Variants in TMEM67 observed in about 807,000 individuals in gnomAD.
TMEM67 encodes the protein transmembrane protein 67, also known as meckelin.
Under a neutral mutation model 136.6 loss-of-function variants are expected in TMEM67, and 124 were observed. The observed-to-expected ratio is 0.91, with a 90% CI of 0.78 to 1.05. The LOEUF (loss-of-function observed/expected upper bound fraction) is 1.05. Ranked by LOEUF, TMEM67 falls within the 50% of genes least tolerant of loss-of-function variation. The pLI is 0.00. For missense variants in TMEM67, 1,107 were observed against 1,178.4 expected (o/e 0.94, Z 0.89); for synonymous variants, 364 against 390.5 (o/e 0.93, Z 0.80).
rs386834205 is a variant in TMEM67 at position 93,772,612 on chromosome 8, G to A, written c.675G>A (p.Trp225Ter). Residue 225 changes from tryptophan (W) to a stop codon, truncating the protein, a stop_gained, in exon 7 of 28, where the codon TGG becomes TGA. Transcript: ENST00000453321. LOFTEE classifies it high-confidence loss of function. ...AGGGCATGTCTTTAACTTCAGAATGGTTTGCAAAGTATTTGCAATCATCAG... is the reference window on the plus strand; with the variant it reads ...AGGGCATGTCTTTAACTTCAGAATGATTTGCAAAGTATTTGCAATCATCAG... ...GEVGMSLTSE[W>*]FAKYLQSSAA... 3 of 1,612,624 alleles carry A rather than the reference G, an allele frequency of 1.9e-6. No homozygotes were observed. Among genetic ancestry groups the A allele is most frequent in the Non-Finnish European group, 2.5e-6 (3 of 1,179,390 alleles).
intron 12 of TMEM67, 137 bp from the exon 13 acceptor site, chr8:93,786,081 CAAAAG>C: frequency 1.3e-6 from 1 of 759,754 alleles, no homozygotes; most frequent in Non-Finnish European, 2.1e-6. Context: ...CTAAAAAAAA[CAAAAG>C]AAGACATTCA....
In TMEM67 at chr8:93,803,586, C is replaced by T; in HGVS notation, c.2242-18C>T. The T allele has an allele frequency of 6.7e-7, 1 of 1,499,216 alleles. No individual in the cohort carries two copies. The highest frequency in any genetic ancestry group is 9.3e-7 in the Non-Finnish European group (1 of 1,075,896). The allele number at this position is 1,499,216 out of a possible 1,614,324, so 92.9% of individuals were successfully genotyped here. A position where few individuals can be genotyped will look rare whatever the true frequency, so the allele number is the denominator to read the frequency against. On this transcript the variant is annotated intron_variant, in intron 21 of 27. Transcript: ENST00000453321. The stretch of plus-strand genomic sequence containing the variant: ...AATCCTAAAAGCTAATAAGCATAAA[C>T]TTGACTTAATGTTTCAGGTCGTGTT...
chr8:93,811,735 T>C (rs558243430), intron 26 of TMEM67, among the ~76,000 whole-genome samples: 2 of 152,272 alleles, frequency 1.3e-5, no homozygotes, highest in East Asian at 3.9e-4. Context: ...AACATCTTAT[T>C]CTGATAGAGA....
Position 93,816,563 on chromosome 8 carries a change from TTTG to T in TMEM67, c.*114_*116del. On this transcript the variant is annotated 3_prime_UTR_variant, in exon 28 of 28. Coordinates refer to ENST00000453321, the MANE Select transcript of TMEM67 (RefSeq NM_153704.6). ...AACTTATAATGCAGACTATTCTGTT[TTTG>T]TTTTTTATTTGCAGAAAGATTTATT... 1.7e-6 allele frequency: 1 copy of T among 580,832 alleles called. No individual in the cohort carries two copies. The allele number at this position is 580,832 out of a possible 1,614,324, so 36.0% of individuals were successfully genotyped here. A position where few individuals can be genotyped will look rare whatever the true frequency, so the allele number is the denominator to read the frequency against.
intron 26 of TMEM67, among the ~76,000 whole-genome samples, chr8:93,813,228 G>A (rs1351774917): frequency 6.6e-6 from 1 of 151,616 alleles, no homozygotes; most frequent in African/African-American, 2.4e-5. Context: ...GTCTAGGCTG[G>A]AGTGCAGTGG....
intron 3 of TMEM67, among the ~76,000 whole-genome samples, chr8:93,763,546 A>G (rs866448671): frequency 1.3e-5 from 2 of 152,170 alleles, no homozygotes; most frequent in Non-Finnish European, 2.9e-5. Context: ...ATTTTTGAGG[A>G]AAAAAATACT....
intron 25 of TMEM67, 60 bp from the exon 26 acceptor site, chr8:93,809,725 A>T: frequency 2.1e-6 from 2 of 966,714 alleles, no homozygotes; most frequent in Non-Finnish European, 3.3e-6. Context: ...ATTTTACATT[A>T]ATTGCAAAGC....
downstream of TMEM67, among the ~76,000 whole-genome samples, chr8:93,823,097 TG>T (rs1169207385): frequency 3.3e-5 from 5 of 152,202 alleles, no homozygotes; most frequent in Non-Finnish European, 5.9e-5. Context: ...CTATTGCTTC[TG>T]TAACAAATTA....
chr8:93,776,985 C>T (rs571204829), intron 7 of TMEM67, among the ~76,000 whole-genome samples: 2 of 152,016 alleles, frequency 1.3e-5, no homozygotes, highest in African/African-American at 2.4e-5. Flanking sequence ...TGGTCCTGGA[C>T]TTTTTTTGGT....
intron 6 of TMEM67, 59 bp downstream of exon 6, chr8:93,765,705 T>C: frequency 8.8e-7 from 1 of 1,130,802 alleles, no homozygotes; most frequent in Non-Finnish European, 1.4e-6. Context: ...TTTCATCCAT[T>C]AGTAATTTCA....
At chr8:93,774,579 A>C (rs1470828585) in intron 7 of TMEM67, among the ~76,000 whole-genome samples, 1 of 152,012 alleles carries the variant, frequency 6.6e-6, no homozygotes, top group Non-Finnish European at 1.5e-5. Flanking sequence ...TTCTCGTTGA[A>C]TTCCCACCTA....
At chr8:93,819,114 C>T (rs527717840), downstream of TMEM67, 46 of 453,356 alleles carry the variant, frequency 1.0e-4, no homozygotes, top group Middle Eastern at 2.1e-3. Flanking sequence ...GGATTAGTTT[C>T]TTAGAATGTG....
intron 12 of TMEM67, 134 bp downstream of exon 12, chr8:93,785,512 C>A: frequency 3.6e-6 from 3 of 829,718 alleles, no homozygotes; most frequent in South Asian, 1.8e-5. Flanking sequence ...ATACAGTGTG[C>A]CAAAAAATGA....
At chr8:93,811,781 G>A (rs1027327063) in intron 26 of TMEM67, among the ~76,000 whole-genome samples, 1 of 152,036 alleles carries the variant, frequency 6.6e-6, no homozygotes, top group Non-Finnish European at 1.5e-5. Context: ...CACTGCTAGT[G>A]AGCGCCGAGA....
At chr8:93,781,057 C>G in intron 9 of TMEM67, 75 bp downstream of exon 9, 1 of 1,063,816 alleles carries the variant, frequency 9.4e-7, no homozygotes, top group Non-Finnish European at 1.4e-6. Context: ...AGTTACAATT[C>G]TTGCCTTTTT....
At chr8:93,779,936 A>G (rs1223397346) in intron 7 of TMEM67, among the ~76,000 whole-genome samples, 1 of 152,196 alleles carries the variant, frequency 6.6e-6, no homozygotes, top group South Asian at 2.1e-4. Context: ...TTAACTCTGC[A>G]GAAGTTTCTG....
chr8:93,829,823 C>A, the TMEM67 span, among the ~76,000 whole-genome samples: 1 of 152,150 alleles, frequency 6.6e-6, no homozygotes, highest in South Asian at 2.1e-4. Flanking sequence ...TTGTTATAAT[C>A]CTGGGGGGCA....
At chr8:93,776,497 A>G (rs1017063213) in intron 7 of TMEM67, among the ~76,000 whole-genome samples, 2 of 152,174 alleles carry the variant, frequency 1.3e-5, no homozygotes, top group Non-Finnish European at 2.9e-5. Flanking sequence ...TTCGTCATAA[A>G]TAGCTCTTAT....
At chr8:93,811,048 C>CA (rs1260524894) in intron 26 of TMEM67, among the ~76,000 whole-genome samples, 7 of 152,296 alleles carry the variant, frequency 4.6e-5, no homozygotes, top group Non-Finnish European at 8.8e-5. Flanking sequence ...TATGTTATTG[C>CA]ATGCCAGATA....
Sources: gnomAD v4.1 joint callset for allele counts (sites outside exome capture counted in the v4.1 genomes callset) on GRCh38, gnomAD v4.1.1 for gene constraint, MANE v1.5 for transcripts, NCBI Gene and HGNC (gene_info 2026-07-23, HGNC 2026-07-21) for gene names.